ZC3H12B: variants seen among roughly 807,000 people sequenced by gnomAD.
ZC3H12B encodes probable ribonuclease ZC3H12B.
ZC3H12B carries 7 observed loss-of-function variants against 43.9 expected under a neutral mutation model. That is an observed-to-expected ratio of 0.16 (90% CI 0.09 to 0.30). The LOEUF (loss-of-function observed/expected upper bound fraction) is 0.30, where lower values mean the gene tolerates loss of function less well. Among genes scored for constraint, ZC3H12B ranks in the 10% least tolerant of loss-of-function variants. The pLI, the probability that ZC3H12B is intolerant of heterozygous loss-of-function variation, is 1.00. For synonymous variants in ZC3H12B, 222 were observed against 241.7 expected (o/e 0.92, Z 0.76); for missense variants, 475 against 670.2 (o/e 0.71, Z 3.22).
chrX:65,420,067 G>A (rs1212973302), intron 3 of ZC3H12B, among the ~76,000 whole-genome samples: 1 of 111,984 alleles, frequency 8.9e-6, no homozygotes, highest in Non-Finnish European at 1.9e-5. Flanking sequence ...CCAGTGCCAG[G>A]CCAGCTTTCA....
intron 2 of ZC3H12B, among the ~76,000 whole-genome samples, chrX:65,370,094 A>T (rs771017519): frequency 4.5e-5 from 5 of 112,068 alleles, no homozygotes; most frequent in Non-Finnish European, 7.5e-5. Flanking sequence ...TTGAAAAAGA[A>T]AAAGAAGAGG....
intron 2 of ZC3H12B, among the ~76,000 whole-genome samples, chrX:65,390,297 G>A (rs1359642478): frequency 3.6e-5 from 4 of 110,788 alleles, no homozygotes; most frequent in African/African-American, 6.6e-5. Context: ...GGAGATATAC[G>A]TAATGTAAAT....
the ZC3H12B span, among the ~76,000 whole-genome samples, chrX:65,132,866 A>G: frequency 9.0e-6 from 1 of 111,311 alleles, no homozygotes; most frequent in Non-Finnish European, 1.9e-5. Flanking sequence ...GTGATGGTCT[A>G]GGAGGCTTCC....
chrX:65,331,609 C>T, the ZC3H12B span, among the ~76,000 whole-genome samples: 2 of 108,660 alleles, frequency 1.8e-5, no homozygotes, highest in Admixed American at 9.9e-5. Context: ...AAAGTGAAAG[C>T]AAGTTTATTA....
At chrX:65,222,647 T>TAAA in the ZC3H12B span, among the ~76,000 whole-genome samples, 7 of 91,318 alleles carry the variant, frequency 7.7e-5, no homozygotes, top group South Asian at 5.0e-4. Context: ...ATAATAATAA[T>TAAA]AATAAAACAC....
the ZC3H12B span, among the ~76,000 whole-genome samples, chrX:65,246,592 C>A: frequency 9.0e-6 from 1 of 111,619 alleles, no homozygotes; most frequent in Non-Finnish European, 1.9e-5. Flanking sequence ...AATAGAGAAC[C>A]CAGAAATAAG....
the ZC3H12B span, among the ~76,000 whole-genome samples, chrX:65,211,070 T>TA: frequency 0.24 from 6,798 of 28,087 alleles, 1,322 homozygotes; most frequent in African/African-American, 0.58. Flanking sequence ...TAGAGTATAA[T>TA]AAAAAAAAAA....
exon 5 of ZC3H12B, chrX:65,504,698 G>A (rs747056706): frequency 8.0e-5 from 9 of 112,815 alleles, no homozygotes; most frequent in Non-Finnish European, 1.3e-4. Flanking sequence ...ACTATTGGAT[G>A]CTCTTTGGAC....
intron 3 of ZC3H12B, among the ~76,000 whole-genome samples, chrX:65,461,038 G>A (rs2067736228): frequency 9.0e-6 from 1 of 111,673 alleles, no homozygotes; most frequent in Non-Finnish European, 1.9e-5. Flanking sequence ...ATCAAAAAGT[G>A]GGCAAAGGAT....
At chrX:65,494,554 T>C (rs2068250449) in intron 1 of ZC3H12B, among the ~76,000 whole-genome samples, 1 of 110,857 alleles carries the variant, frequency 9.0e-6, no homozygotes, top group South Asian at 3.7e-4. Flanking sequence ...AGGCTGACGC[T>C]GGCGGATCAC....
At chrX:65,433,654 A>C (rs1403391070) in intron 3 of ZC3H12B, among the ~76,000 whole-genome samples, 1 of 112,028 alleles carries the variant, frequency 8.9e-6, no homozygotes, top group African/African-American at 3.2e-5. Flanking sequence ...CTTCAGATTT[A>C]ATGTCTAGTA....
chrX:65,211,840 A>C, the ZC3H12B span, among the ~76,000 whole-genome samples: 1 of 79,755 alleles, frequency 1.3e-5, no homozygotes, highest in Non-Finnish European at 2.2e-5. Context: ...ACTATATAAT[A>C]TATAATATAT....
At chrX:65,092,665 C>T in the ZC3H12B span, among the ~76,000 whole-genome samples, 1 of 111,919 alleles carries the variant, frequency 8.9e-6, no homozygotes, top group Non-Finnish European at 1.9e-5. Context: ...AATTTCTAAG[C>T]AGCAAGACAT....
chrX:65,144,644 G>GC, the ZC3H12B span, among the ~76,000 whole-genome samples: 1 of 111,235 alleles, frequency 9.0e-6, no homozygotes, highest in Non-Finnish European at 1.9e-5. Context: ...CCTTTGCTGT[G>GC]CCCCAGAAGT....
the ZC3H12B span, among the ~76,000 whole-genome samples, chrX:65,289,723 A>C: frequency 9.1e-6 from 1 of 110,326 alleles, no homozygotes; most frequent in Non-Finnish European, 1.9e-5. Context: ...GCTGACAAGA[A>C]TTTGCATTAG....
At chrX:65,196,861 G>C in the ZC3H12B span, among the ~76,000 whole-genome samples, 1 of 111,784 alleles carries the variant, frequency 8.9e-6, no homozygotes, top group Non-Finnish European at 1.9e-5. Flanking sequence ...AAAAAAGACA[G>C]AGGATATGCT....
chrX:65,075,420 TA>T, the ZC3H12B span, among the ~76,000 whole-genome samples: 1 of 112,731 alleles, frequency 8.9e-6, no homozygotes, highest in African/African-American at 3.2e-5. Context: ...CTGTCTTCTC[TA>T]CTGCATATCC....
At chrX:65,204,391 C>T in the ZC3H12B span, among the ~76,000 whole-genome samples, 1 of 111,630 alleles carries the variant, frequency 9.0e-6, no homozygotes, top group African/African-American at 3.3e-5. Flanking sequence ...TTAGATTTAA[C>T]TAGAATTATG....
At chrX:65,342,374 A>G in the ZC3H12B span, among the ~76,000 whole-genome samples, 1 of 111,891 alleles carries the variant, frequency 8.9e-6, no homozygotes, top group Non-Finnish European at 1.9e-5. Flanking sequence ...TCATCTCCAC[A>G]TGGCACATAC....
Sources: gnomAD v4.1 joint callset for allele counts (sites outside exome capture counted in the v4.1 genomes callset) on GRCh38, gnomAD v4.1.1 for gene constraint, MANE v1.5 for transcripts, NCBI Gene and HGNC (gene_info 2026-07-23, HGNC 2026-07-21) for gene names.